Variants in ANXA7 observed in about 807,000 individuals in gnomAD.
ANXA7 encodes the protein annexin A7.
Under a neutral mutation model 64.9 loss-of-function variants are expected in ANXA7, and 55 were observed. The ratio of observed to expected loss-of-function variants is 0.85; its 90% CI spans 0.68 to 1.06. The LOEUF (loss-of-function observed/expected upper bound fraction) is 1.06, where lower values mean the gene tolerates loss of function less well. Ranked by LOEUF, ANXA7 falls within the 50% of genes least tolerant of loss-of-function variation. The pLI is 0.00. For missense variants in ANXA7, 548 were observed against 582.1 expected (o/e 0.94, Z 0.60); for synonymous variants, 200 against 192.4 (o/e 1.04, Z -0.33).
At chr10:73,378,882 C>T (rs2055228347) in intron 12 of ANXA7, 29 bp downstream of exon 12, 1 of 1,526,802 alleles carries the variant, frequency 6.5e-7, no homozygotes, top group African/African-American at 1.4e-5. Context: ...TCAAGTAAGA[C>T]CCGACAAAAA....
rs779414410 is a variant in ANXA7, at chr10:73,388,361, G to A, written c.489C>T (p.Phe163=). The part of the protein sequence containing the change: ...TQGTIRPAAN[F]DAIRDAEILR... ...GAATTTCTGCATCTCTTATAGCATC[G>A]AAGTTGGCAGCTGGTCGGATAGTTC... The change falls in exon 6 of 13, where the codon TTC becomes TTT. Residue 163 remains phenylalanine, a synonymous_variant. Coordinates refer to ENST00000372921, the MANE Select transcript of ANXA7 (RefSeq NM_001156.5). The A allele has an allele frequency of 7.4e-6, 12 of 1,613,704 alleles. No homozygotes were observed. In the East Asian group the frequency reaches 1.1e-4, roughly 15 times the overall value.
chr10:73,393,822 C>T (rs1350329704), intron 5 of ANXA7, among the ~76,000 whole-genome samples: 2 of 152,152 alleles, frequency 1.3e-5, no homozygotes, highest in Non-Finnish European at 2.9e-5. Context: ...GTCTAAAACA[C>T]CAAAAGCAAT....
intron 1 of ANXA7, among the ~76,000 whole-genome samples, chr10:73,413,307 C>G (rs2055872972): frequency 6.6e-6 from 1 of 152,178 alleles, no homozygotes; most frequent in Non-Finnish European, 1.5e-5. Flanking sequence ...AGCAGATTAG[C>G]TGGCCATCAG....
chr10:73,390,691 A>AAAATATATATATATATATATATATATAT (rs2055458034), intron 5 of ANXA7, among the ~76,000 whole-genome samples: 2 of 122,272 alleles, frequency 1.6e-5, no homozygotes, highest in Admixed American at 8.3e-5. Context: ...TCTCTTTTGT[A>AAAATATATATATATATATATATATATAT]AAATATATAT....
At chr10:73,398,613 A>T (rs2055613838) in intron 2 of ANXA7, among the ~76,000 whole-genome samples, 1 of 151,924 alleles carries the variant, frequency 6.6e-6, no homozygotes, top group African/African-American at 2.4e-5. Context: ...GTCAGGCAAG[A>T]GGGGTCTGCT....
intron 1 of ANXA7, among the ~76,000 whole-genome samples, chr10:73,406,587 T>TGA (rs1384758336): frequency 6.6e-6 from 1 of 152,134 alleles, no homozygotes; most frequent in East Asian, 1.9e-4. Context: ...CATATATTTT[T>TGA]GAGATGGTTT....
chr10:73,389,581 A>C (rs778394101), intron 5 of ANXA7, among the ~76,000 whole-genome samples: 6 of 152,234 alleles, frequency 3.9e-5, no homozygotes, highest in African/African-American at 7.2e-5. Context: ...TTAAAAGATA[A>C]AACAATTTAA....
chr10:73,410,306 G>GA (rs550779696), intron 1 of ANXA7, among the ~76,000 whole-genome samples: 39 of 147,684 alleles, frequency 2.6e-4, no homozygotes, highest in Middle Eastern at 3.5e-3. Context: ...AAATCACAAA[G>GA]AAAAAAAAAC....
chr10:73,388,113 C>T (rs2055408203), intron 6 of ANXA7, among the ~76,000 whole-genome samples, 199 bp downstream of exon 6: 2 of 152,088 alleles, frequency 1.3e-5, no homozygotes, highest in East Asian at 3.9e-4. Context: ...TCCTAAAGTG[C>T]TGGGACTACA....
At position 73,400,796 on chromosome 10, in the gene ANXA7, T is replaced by C. The variant is rs759894112; in HGVS notation, c.54+7A>G. ...AAGGATGTGAGGTATTAAGTGGCAA[T>C]ACTTACAGGATATCCAGGGAAAGGT... On this transcript the variant is annotated splice_region_variant and intron_variant, in intron 2 of 12. Coordinates refer to ENST00000372921, the MANE Select transcript of ANXA7 (RefSeq NM_001156.5). The C allele has an allele frequency of 6.2e-7, 1 of 1,600,976 alleles. No individual in the cohort carries two copies.
chr10:73,400,651 C>T, intron 2 of ANXA7, 152 bp downstream of exon 2: 3 of 478,322 alleles, frequency 6.3e-6, no homozygotes, highest in East Asian at 3.8e-5. Context: ...CCTCTCTAGT[C>T]CCCCACACAA....
rs768458698 is a variant in ANXA7 at position 73,400,843 on chromosome 10, C to T, written c.14G>A (p.Gly5Asp). 17 of 1,602,246 alleles carry T rather than the reference C, an allele frequency of 1.1e-5. No individual in the cohort carries two copies. In the Admixed American group the frequency reaches 2.2e-4, roughly 21 times the overall value. Residue 5 changes from glycine (G) to aspartate (D), a missense_variant, in exon 2 of 13, where the codon GGC becomes GAC. Coordinates refer to ENST00000372921, the MANE Select transcript of ANXA7 (RefSeq NM_001156.5). MSYP[G>D]YPPTGYPPFP... ...AGGTGGGTAGCCTGTTGGGGGATAG[C>T]CTGGGTATGACATTCTGTAACAACA...
intron 12 of ANXA7, among the ~76,000 whole-genome samples, chr10:73,378,533 G>C (rs958550939): frequency 1.3e-5 from 2 of 151,924 alleles, no homozygotes. Flanking sequence ...TATTAATAAA[G>C]GATGCTAAAT....
At chr10:73,401,693 G>A (rs1227890286) in intron 1 of ANXA7, among the ~76,000 whole-genome samples, 1 of 151,996 alleles carries the variant, frequency 6.6e-6, no homozygotes, top group Non-Finnish European at 1.5e-5. Flanking sequence ...GTAGAGATGG[G>A]GTTTCACCAT....
At chr10:73,396,151 C>G in intron 5 of ANXA7, 1 of 1,248,764 alleles carries the variant, frequency 8.0e-7, no homozygotes, top group South Asian at 1.2e-5. Context: ...AAATGGGAAA[C>G]AAAACCACCC....
At chr10:73,412,745 C>T (rs1041892946) in intron 1 of ANXA7, among the ~76,000 whole-genome samples, 6 of 151,584 alleles carry the variant, frequency 4.0e-5, no homozygotes, top group Non-Finnish European at 8.8e-5. Flanking sequence ...AATCTCTCGC[C>T]TCGGCCTCCC....
chr10:73,397,510 T>C (rs954496682), intron 3 of ANXA7, among the ~76,000 whole-genome samples: 5 of 152,146 alleles, frequency 3.3e-5, no homozygotes, highest in African/African-American at 1.2e-4. Context: ...TAGGCTGGAG[T>C]TTAGTGGCAC....
intron 1 of ANXA7, among the ~76,000 whole-genome samples, chr10:73,404,788 AAAC>A (rs2132696840): frequency 1.3e-5 from 2 of 152,160 alleles, no homozygotes; most frequent in East Asian, 3.9e-4. Flanking sequence ...ACAGAGAAAA[AAAC>A]AAACATTCAA....
At chr10:73,410,131 G>A (rs1029549836) in intron 1 of ANXA7, among the ~76,000 whole-genome samples, 6 of 151,754 alleles carry the variant, frequency 4.0e-5, no homozygotes, top group African/African-American at 9.7e-5. Context: ...AAAAACAAAC[G>A]CAACAAAAAC....
Sources: allele counts gnomAD v4.1 joint callset (sites outside exome capture counted in the v4.1 genomes callset), GRCh38; gene constraint gnomAD v4.1.1; transcripts MANE v1.5; gene names NCBI Gene and HGNC (gene_info 2026-07-23, HGNC 2026-07-21).